DYNC2I2: variants seen among roughly 807,000 people sequenced by gnomAD.
DYNC2I2 encodes cytoplasmic dynein 2 intermediate chain 2.
DYNC2I2 carries 39 observed loss-of-function variants against 52.0 expected under a neutral mutation model. The ratio of observed to expected loss-of-function variants is 0.75; its 90% CI spans 0.58 to 0.98. The LOEUF (loss-of-function observed/expected upper bound fraction) is 0.98. DYNC2I2 is among the 50% of genes least tolerant of loss of function. The pLI is 0.00. For missense variants in DYNC2I2, 743 were observed against 728.4 expected (o/e 1.02, Z -0.23); for synonymous variants, 359 against 321.1 (o/e 1.12, Z -1.26).
Position 128,656,704 on chromosome 9 carries a change from C to A in DYNC2I2, c.23G>T (p.Gly8Val), listed in dbSNP as rs778607596. The A allele has an allele frequency of 9.0e-6, 13 of 1,451,238 alleles. No homozygotes were observed. The highest frequency in any genetic ancestry group is 6.1e-5 in the Admixed American group (2 of 33,014). 89.9% of individuals were successfully genotyped at this position (1,451,238 alleles called of 1,614,324 possible). ...AGCGCTTCCCGCCTGGCTGAGTGGC[C>A]CCGGCTGCGCGCGGGTTGCCATGGA... is the stretch of plus-strand genomic sequence containing the variant. MATRAQP[G>V]PLSQAGSAGV... Residue 8 changes from glycine to valine, a missense_variant, in exon 1 of 9, where the codon GGG becomes GTG. Coordinates refer to ENST00000372715, the MANE Select transcript of DYNC2I2 (RefSeq NM_052844.4).
Position 128,634,796 on chromosome 9 carries a change from T to C in DYNC2I2, c.1107A>G (p.Ala369=). 1 of 1,612,538 alleles carries C rather than the reference T, an allele frequency of 6.2e-7. No homozygotes were observed. The highest frequency in any genetic ancestry group is 8.5e-7 in the Non-Finnish European group (1 of 1,179,546). Residue 369 remains alanine, a synonymous_variant, in exon 7 of 9, where the codon GCA becomes GCG. Coordinates refer to ENST00000372715, the MANE Select transcript of DYNC2I2 (RefSeq NM_052844.4). ...PLKCSLAAGE[A]ALTRMPSSVP... is the part of the protein sequence containing the mutation. ...CGGAGCTGGGCATCCGCGTGAGGGCTGCCTCTCCAGCTGCCAGGGAACACT... is the reference window on the plus strand; with the variant it reads ...CGGAGCTGGGCATCCGCGTGAGGGCCGCCTCTCCAGCTGCCAGGGAACACT...
chr9:128,641,076 C>G, intron 1 of DYNC2I2, 137 bp from the exon 2 acceptor site: 2 of 1,379,486 alleles, frequency 1.4e-6, no homozygotes, highest in Non-Finnish European at 1.9e-6. Context: ...TCAGTGAGGT[C>G]TTGGTTGGAG....
chr9:128,680,718 A>G, the DYNC2I2 span, among the ~76,000 whole-genome samples: 1 of 151,092 alleles, frequency 6.6e-6, no homozygotes, highest in African/African-American at 2.4e-5. Context: ...TCCGTCGCCC[A>G]GTCTGGAGTG....
rs373952081 is a variant in DYNC2I2, at chr9:128,633,812, C to T, written c.1543G>A (p.Glu515Lys). The change falls in exon 9 of 9, where the codon GAG becomes AAG. Residue 515 changes from glutamate to lysine, a missense_variant. Glu to Lys is a moderately conservative substitution (Grantham distance 56). Transcript: ENST00000372715. ...GTVKVWQLSTEFTEQGPREAE... is the reference protein window; with the variant it reads ...GTVKVWQLSTKFTEQGPREAE... ...TCCCGGGGCCCTTGTTCCGTGAACT[C>T]TGTGCTCAGCTGCCACACCTTCACT... 1 of 1,613,576 alleles carries T rather than the reference C, an allele frequency of 6.2e-7. No individual in the cohort carries two copies.
the DYNC2I2 span, among the ~76,000 whole-genome samples, chr9:128,670,006 G>T: frequency 6.6e-6 from 1 of 152,134 alleles, no homozygotes; most frequent in Non-Finnish European, 1.5e-5. Flanking sequence ...ACTGGGCATG[G>T]TGGTGAACAC....
At position 128,633,760 on chromosome 9, in the gene DYNC2I2, G is replaced by A. The variant is rs754854820; in HGVS notation, c.1595C>T (p.Ala532Val). ...CGGGACCCCTCAGGCCGCCACCTCT[G>A]CTGCCAGGCAGTCCAGGTCCTCAGC... The part of the protein sequence containing the change: ...REAEDLDCLA[A>V]EVAA The change falls in exon 9 of 9, where the codon GCA (alanine) becomes GTA (valine). Residue 532 changes from alanine (A) to valine (V), a missense_variant. By Grantham distance (64) the Ala-to-Val change is moderately conservative (BLOSUM62 0). Transcript: ENST00000372715. 1.9e-5 allele frequency: 30 copies of A among 1,613,236 alleles called. 1 individual carries two copies. The highest frequency in any genetic ancestry group is 3.4e-4 in the Middle Eastern group (2 of 5,936).
intron 2 of DYNC2I2, among the ~76,000 whole-genome samples, chr9:128,637,286 C>T (rs2132148355): frequency 6.6e-6 from 1 of 152,346 alleles, no homozygotes; most frequent in South Asian, 2.1e-4. Context: ...AGGCACACTC[C>T]ACAGTTTCCA....
the DYNC2I2 span, among the ~76,000 whole-genome samples, chr9:128,664,518 T>C: frequency 6.6e-5 from 10 of 151,756 alleles, no homozygotes; most frequent in Non-Finnish European, 1.2e-4. Flanking sequence ...AGAGTCTTGC[T>C]CTGTCACCCA....
chr9:128,635,911 G>C, intron 4 of DYNC2I2, 144 bp from the exon 5 acceptor site: 1 of 761,318 alleles, frequency 1.3e-6, no homozygotes, highest in Non-Finnish European at 2.2e-6. Flanking sequence ...CCCACAGAGG[G>C]AGAGTCCTAG....
the DYNC2I2 span, among the ~76,000 whole-genome samples, chr9:128,666,418 C>T: frequency 6.7e-6 from 1 of 149,020 alleles, no homozygotes. Flanking sequence ...AATACATCCA[C>T]ACATCATACT....
At position 128,640,548 on chromosome 9, in the gene DYNC2I2, C is replaced by T. The variant is rs1007777355; in HGVS notation, c.435+143G>A. 2.3e-5 allele frequency: 30 copies of T among 1,314,572 alleles called. 1 individual carries two copies. Among genetic ancestry groups the T allele is most frequent in the African/African-American group, 1.0e-4 (7 of 68,118 alleles). The allele number at this position is 1,314,572 out of a possible 1,614,324, so 81.4% of individuals were successfully genotyped here. ...ACTGACTTATTCTTAGGGAACCTAG[C>T]GCAGTACCAGGCAGGACATTAGAGC... is the stretch of plus-strand genomic sequence containing the variant. On this transcript the variant is annotated intron_variant, in intron 2 of 8. Transcript: ENST00000372715.
intron 1 of DYNC2I2, among the ~76,000 whole-genome samples, chr9:128,648,098 C>T (rs1464488317): frequency 3.3e-5 from 5 of 152,262 alleles, no homozygotes; most frequent in South Asian, 2.1e-4. Flanking sequence ...AAGCCCCAGA[C>T]TTCTCTGACT....
the DYNC2I2 span, among the ~76,000 whole-genome samples, chr9:128,682,025 A>G: frequency 6.6e-6 from 1 of 151,026 alleles, no homozygotes; most frequent in African/African-American, 2.4e-5. Flanking sequence ...TGAGCCAAAG[A>G]TTATGCCACA....
rs1860338648 is a variant in DYNC2I2 at position 128,634,731 on chromosome 9, TG to T, written c.1171del (p.His391ThrfsTer8). The T allele has an allele frequency of 6.3e-7, 1 of 1,595,330 alleles. No individual in the cohort carries two copies. The highest frequency in any genetic ancestry group is 8.5e-7 in the Non-Finnish European group (1 of 1,171,716). ...GCTCACAGAGTAGATGGGACCGCCG[TG>T]GGGGGAGAAGGTAAACTGTGCTGGG... ...RAPAQFTFSP[H>X]GGPIYSVSCS... On this transcript the variant is annotated frameshift_variant, in exon 7 of 9. Coordinates refer to ENST00000372715, the MANE Select transcript of DYNC2I2 (RefSeq NM_052844.4). LOFTEE classifies it high-confidence loss of function.
chr9:128,660,728 AT>A (rs1183729672), upstream of DYNC2I2, among the ~76,000 whole-genome samples: 1 of 150,282 alleles, frequency 6.7e-6, no homozygotes, highest in East Asian at 2.0e-4. Flanking sequence ...TTTATTTTTT[AT>A]TTATTTATTT....
chr9:128,647,327 G>A (rs1338391402), intron 1 of DYNC2I2, among the ~76,000 whole-genome samples: 1 of 152,110 alleles, frequency 6.6e-6, no homozygotes, highest in South Asian at 2.1e-4. Context: ...AGCCGCCCCC[G>A]GGGGAAGTCA....
rs777451408 is a variant in DYNC2I2, at chr9:128,634,394, T to C, written c.1215-11A>G. On this transcript the variant is annotated splice_polypyrimidine_tract_variant and intron_variant, in intron 7 of 8. Coordinates refer to ENST00000372715, the MANE Select transcript of DYNC2I2 (RefSeq NM_052844.4). Reference sequence around the variant, plus strand: ...CTCAGGAAGAGATTCCTAGACGGGATGCAGGGGGCCAGGCAAGGGAATCAG... The same window carrying C: ...CTCAGGAAGAGATTCCTAGACGGGACGCAGGGGGCCAGGCAAGGGAATCAG... 1.3e-6 allele frequency: 2 copies of C among 1,566,830 alleles called. No individual in the cohort carries two copies. The highest frequency in any genetic ancestry group is 2.7e-5 in the African/African-American group (2 of 73,518).
At chr9:128,669,766 C>T in the DYNC2I2 span, among the ~76,000 whole-genome samples, 38 of 152,264 alleles carry the variant, frequency 2.5e-4, no homozygotes, top group African/African-American at 8.9e-4. Context: ...GCAACCTCTG[C>T]CCCCCAGGTT....
At chr9:128,683,796 G>A in the DYNC2I2 span, 11 of 1,006,276 alleles carry the variant, frequency 1.1e-5, no homozygotes, top group Non-Finnish European at 1.5e-5. Flanking sequence ...CGGCTCCAGT[G>A]CAGATTTAAG....
Sources: allele counts gnomAD v4.1 joint callset (sites outside exome capture counted in the v4.1 genomes callset), GRCh38; gene constraint gnomAD v4.1.1; transcripts MANE v1.5; gene names NCBI Gene and HGNC (gene_info 2026-07-23, HGNC 2026-07-21).